The following NAF1 variants were observed in gnomAD, a reference collection of about 807,000 sequenced individuals.
The protein encoded by NAF1 is nuclear assembly factor 1 ribonucleoprotein.
In NAF1, 11 loss-of-function variants were observed where a neutral mutation model predicts 40.6. The observed-to-expected ratio is 0.27, with a 90% CI of 0.17 to 0.45. The LOEUF (loss-of-function observed/expected upper bound fraction) is 0.45. Ranked by LOEUF, NAF1 falls within the 20% of genes least tolerant of loss-of-function variation. NAF1 has a pLI of 1.00. For missense variants in NAF1, 607 were observed against 611.1 expected, an observed-to-expected ratio of 0.99 and a Z score of 0.07; for synonymous variants, 260 against 228.5, an observed-to-expected ratio of 1.14 and a Z score of -1.24.
chr4:163,130,555 GA>G (rs1334534860), intron 7 of NAF1, among the ~76,000 whole-genome samples: 1 of 152,150 alleles, frequency 6.6e-6, no homozygotes. Context: ...TGGTACTGGT[GA>G]AAGGACACAC....
At position 163,164,370 on chromosome 4, in the gene NAF1, T is replaced by C. The variant is rs772673848; in HGVS notation, c.387A>G (p.Ser129=). Reference sequence around the variant, plus strand: ...AAGATGAAGAGGAAGACGATGAACTTGAACTATCTGAATCTGTTTCACTGT... The same window carrying C: ...AAGATGAAGAGGAAGACGATGAACTCGAACTATCTGAATCTGTTTCACTGT... ...DSDSETDSDS[S]SSSSSSSSSS... is the part of the protein sequence containing the mutation. The change falls in exon 2 of 8, where the codon TCA becomes TCG. Residue 129 remains serine, a synonymous_variant. Coordinates refer to ENST00000274054, the MANE Select transcript of NAF1 (RefSeq NM_138386.3). 6.9e-6 allele frequency: 11 copies of C among 1,583,454 alleles called. No homozygotes were observed. Among genetic ancestry groups the C allele is most frequent in the Admixed American group, 5.4e-5 (3 of 55,720 alleles).
intron 2 of NAF1, among the ~76,000 whole-genome samples, chr4:163,111,855 A>G (rs905072772): frequency 2.0e-5 from 3 of 152,172 alleles, no homozygotes; most frequent in African/African-American, 7.2e-5. Flanking sequence ...ATGTCCTGGA[A>G]GCCAAGTGGG....
At chr4:163,133,054 A>T in intron 7 of NAF1, 100 bp downstream of exon 7, 1 of 988,030 alleles carries the variant, frequency 1.0e-6, no homozygotes, top group Non-Finnish European at 1.5e-6. Flanking sequence ...CTAGGAGGTA[A>T]ACAGAGAGAA....
chr4:163,106,352 C>CTAAATTTAATTAAAATTAAATGAAATT (rs1450324095), downstream of NAF1, among the ~76,000 whole-genome samples: 1 of 152,130 alleles, frequency 6.6e-6, no homozygotes, highest in Non-Finnish European at 1.5e-5. Context: ...TGACTATATG[C>CTAAATTTAATTAAAATTAAATGAAATT]TAAATTTAAT....
chr4:163,125,502 C>T (rs1730629732), downstream of NAF1, among the ~76,000 whole-genome samples: 1 of 152,194 alleles, frequency 6.6e-6, no homozygotes, highest in South Asian at 2.1e-4. Flanking sequence ...TAAGCCAAAG[C>T]CTAATCCAGA....
chr4:163,131,180 C>T (rs79869990), intron 7 of NAF1, among the ~76,000 whole-genome samples: 5,567 of 152,218 alleles, frequency 0.037, 158 homozygotes, highest in Middle Eastern at 0.12. Flanking sequence ...CCAATAATGA[C>T]TTTTTAGATA....
intron 2 of NAF1, among the ~76,000 whole-genome samples, chr4:163,163,520 C>T (rs879369415): frequency 3.9e-5 from 6 of 151,958 alleles, no homozygotes; most frequent in Non-Finnish European, 7.4e-5. Flanking sequence ...ATAATATGGC[C>T]TACATTCTGA....
chr4:163,145,799 G>A lies in NAF1; in HGVS notation c.700C>T (p.Arg234Ter), dbSNP rs1397750674. ...TTACAAACCTTTCCTGCTGCTTGTC[G>A]ATCACTTTTAAAAATTACAGTCTCC... Reference protein sequence around the residue: ...NEETVIFKSDRQAAGKIFEIF... With the variant: ...NEETVIFKSD Residue 234 changes from arginine to a stop codon, truncating the protein, a stop_gained, in exon 4 of 8, where the codon CGA becomes TGA. Transcript: ENST00000274054. LOFTEE classifies it high-confidence loss of function. 6.3e-7 allele frequency: 1 copy of A among 1,584,274 alleles called. No individual in the cohort carries two copies. The highest frequency in any genetic ancestry group is 1.3e-5 in the African/African-American group (1 of 74,092).
At chr4:163,163,810 T>C (rs944760455) in intron 2 of NAF1, among the ~76,000 whole-genome samples, 1 of 152,120 alleles carries the variant, frequency 6.6e-6, no homozygotes, top group Admixed American at 6.5e-5. Flanking sequence ...TCAATTGCTA[T>C]TGAGCAAAAT....
intron 6 of NAF1, 66 bp downstream of exon 6, chr4:163,137,133 A>G (rs1349354329): frequency 6.4e-7 from 1 of 1,573,196 alleles, no homozygotes; most frequent in African/African-American, 1.4e-5. Context: ...AGCAAGAATG[A>G]TAAAATTTAT....
chr4:163,113,163 T>C (rs572038782), intron 2 of NAF1, among the ~76,000 whole-genome samples: 1 of 152,310 alleles, frequency 6.6e-6, no homozygotes, highest in South Asian at 2.1e-4. Context: ...TTAATCCTTT[T>C]GGTTTTGAGA....
At chr4:163,137,291 C>T in intron 5 of NAF1, 41 bp from the exon 6 acceptor site, 1 of 1,584,206 alleles carries the variant, frequency 6.3e-7, no homozygotes, top group Non-Finnish European at 8.6e-7. Context: ...GTATTCATCA[C>T]AATTCTATTA....
chr4:163,106,905 T>C (rs1407468661), downstream of NAF1, among the ~76,000 whole-genome samples: 1 of 152,192 alleles, frequency 6.6e-6, no homozygotes, highest in African/African-American at 2.4e-5. Flanking sequence ...TCCTCCATTC[T>C]TTTCTCATAT....
At chr4:163,161,474 C>A (rs566795253) in intron 2 of NAF1, among the ~76,000 whole-genome samples, 12 of 151,530 alleles carry the variant, frequency 7.9e-5, no homozygotes, top group Admixed American at 3.3e-4. Flanking sequence ...CTCTGTCCCC[C>A]CTCACCAAAA....
At chr4:163,153,310 G>A (rs557304488) in intron 2 of NAF1, among the ~76,000 whole-genome samples, 2 of 152,366 alleles carry the variant, frequency 1.3e-5, no homozygotes, top group East Asian at 3.9e-4. Flanking sequence ...AGCCAGCTGG[G>A]CTCCTGAGTC....
intron 2 of NAF1, among the ~76,000 whole-genome samples, chr4:163,117,907 T>A (rs1266285575): frequency 1.3e-5 from 2 of 152,148 alleles, no homozygotes; most frequent in Non-Finnish European, 2.9e-5. Flanking sequence ...TGAATTTTTT[T>A]AAGCAAATTT....
intron 2 of NAF1, among the ~76,000 whole-genome samples, chr4:163,151,927 A>G (rs1449066518): frequency 6.6e-6 from 1 of 152,190 alleles, no homozygotes; most frequent in South Asian, 2.1e-4. Flanking sequence ...TAGACCCTTT[A>G]TAGGGTATTG....
intron 1 of NAF1, among the ~76,000 whole-genome samples, 169 bp from the exon 2 acceptor site, chr4:163,164,560 T>C (rs953695792): frequency 4.0e-5 from 6 of 150,452 alleles, no homozygotes; most frequent in Non-Finnish European, 8.9e-5. Context: ...ACATGTTTAC[T>C]ACTGCTGTTC....
chr4:163,161,362 A>G (rs1366091020), intron 2 of NAF1, among the ~76,000 whole-genome samples: 3 of 152,128 alleles, frequency 2.0e-5, no homozygotes, highest in South Asian at 2.1e-4. Flanking sequence ...AATTCCAGTT[A>G]CTTGGGAGGC....
Sources: gnomAD v4.1 joint callset for allele counts (sites outside exome capture counted in the v4.1 genomes callset) on GRCh38, gnomAD v4.1.1 for gene constraint, MANE v1.5 for transcripts, NCBI Gene and HGNC (gene_info 2026-07-23, HGNC 2026-07-21) for gene names.